Variants in CACNA1I observed in about 807,000 individuals in gnomAD.
The protein encoded by CACNA1I is voltage-dependent T-type calcium channel subunit alpha-1I.
In CACNA1I, 74 loss-of-function variants were observed where a neutral mutation model predicts 201.6. The ratio of observed to expected loss-of-function variants is 0.37; its 90% CI spans 0.30 to 0.45. The LOEUF is 0.45. CACNA1I is among the 20% of genes least tolerant of loss of function. The pLI, the probability that CACNA1I is intolerant of heterozygous loss-of-function variation, is 1.00. For missense variants in CACNA1I, 2,346 were observed against 3,138.1 expected (o/e 0.75, Z 6.03); for synonymous variants, 1,431 against 1,345.2 (o/e 1.06, Z -1.40).
In CACNA1I at chr22:39,594,364, A is replaced by T. The variant is rs563418186; in HGVS notation, c.237-3787A>T. The stretch of plus-strand genomic sequence containing the variant: ...CTGGAAGGAGAGAGCGCACGACAGG[A>T]AGAGGGGAAAGGCGAGGGGGATGGG... On this transcript the variant is annotated intron_variant, in intron 1 of 36. Transcript: ENST00000402142. Among the ~76,000 whole-genome samples the T allele has an allele frequency of 3.3e-5, 5 of 152,220 alleles. No individual in the cohort carries two copies. In the East Asian group the frequency reaches 9.6e-4, roughly 29 times the overall value.
chr22:39,622,667 G>A (rs987157226), intron 4 of CACNA1I, among the ~76,000 whole-genome samples: 48 of 151,452 alleles, frequency 3.2e-4, no homozygotes, highest in East Asian at 3.1e-3. Flanking sequence ...AGGTGTGAGC[G>A]AATGGCCGGT....
At chr22:39,571,634 G>T (rs964661770) in intron 1 of CACNA1I, among the ~76,000 whole-genome samples, 2 of 152,204 alleles carry the variant, frequency 1.3e-5, no homozygotes, top group African/African-American at 2.4e-5. Flanking sequence ...CTGAGCCTCA[G>T]GGTCCTCTCA....
At chr22:39,638,175 A>T (rs1934265456) in intron 5 of CACNA1I, among the ~76,000 whole-genome samples, 1 of 152,174 alleles carries the variant, frequency 6.6e-6, no homozygotes, top group Non-Finnish European at 1.5e-5. Flanking sequence ...CCTGACCTCA[A>T]GCGATCCACC....
chr22:39,627,618 G>T (rs187878849), intron 4 of CACNA1I, among the ~76,000 whole-genome samples: 214 of 152,346 alleles, frequency 1.4e-3, no homozygotes, highest in African/African-American at 4.8e-3. Flanking sequence ...GAAGGGCCTT[G>T]GGGGGCATTT....
intron 10 of CACNA1I, chr22:39,656,859 T>C (rs1756714332): frequency 2.1e-6 from 1 of 485,420 alleles, no homozygotes; most frequent in Admixed American, 2.2e-5. Flanking sequence ...GGGCGTCAAA[T>C]CAGGTCTCAA....
intron 29 of CACNA1I, among the ~76,000 whole-genome samples, chr22:39,675,976 G>C (rs531813564): frequency 1.3e-5 from 2 of 152,350 alleles, no homozygotes; most frequent in East Asian, 3.9e-4. Context: ...GGTGCCACAG[G>C]AGGGTTCTAG....
At position 39,686,277 on chromosome 22, in the gene CACNA1I, G is replaced by A. The variant is rs1216770957; in HGVS notation, c.6544G>A (p.Ala2182Thr). The change falls in exon 37 of 37, where the codon GCG becomes ACG. Residue 2182 changes from alanine to threonine, a missense_variant. Physicochemically the swap from Ala to Thr is moderately conservative, Grantham distance 58. Transcript: ENST00000402142. ...CCTGGCCCGGAGCCCCTCGTGGGCC[G>A]CGGACCGCAGCAAGGACCCCCCCGG... ...HGLARSPSWA[A>T]DRSKDPPGRA... 2 of 1,312,918 alleles carry A rather than the reference G, an allele frequency of 1.5e-6. No homozygotes were observed. The highest frequency in any genetic ancestry group is 1.9e-6 in the Non-Finnish European group (2 of 1,027,482). The allele number at this position is 1,312,918 out of a possible 1,614,324, so 81.3% of individuals were successfully genotyped here.
chr22:39,628,846 C>A (rs571043006), intron 4 of CACNA1I, among the ~76,000 whole-genome samples: 91 of 152,322 alleles, frequency 6.0e-4, no homozygotes, highest in African/African-American at 2.0e-3. Context: ...CGACTCCACT[C>A]TTCTGGGCCA....
intron 24 of CACNA1I, 111 bp from the exon 25 acceptor site, chr22:39,669,927 G>A (rs1413644869): frequency 8.3e-7 from 1 of 1,210,924 alleles, no homozygotes; most frequent in Non-Finnish European, 1.2e-6. Flanking sequence ...CACCTTCCTG[G>A]AGGCAGGCTC....
At position 39,665,449 on chromosome 22, in the gene CACNA1I, C is replaced by T. The variant is rs1935156907; in HGVS notation, c.3852-49C>T. The T allele has an allele frequency of 4.4e-6, 7 of 1,607,380 alleles. No individual in the cohort carries two copies. Among genetic ancestry groups the T allele is most frequent in the Non-Finnish European group, 5.9e-6 (7 of 1,176,958 alleles). ...ACTCTGGGCTGAGTAGGGGCTGCCT[C>T]CTGGCCTGGCCAAGGGATTATGTGT... On this transcript the variant is annotated intron_variant, in intron 21 of 36. Transcript: ENST00000402142. The surrounding 1 kb of genome is among the most constrained non-coding windows in gnomAD (Gnocchi z 5.5).
At chr22:39,632,559 G>C (rs1251055026) in intron 4 of CACNA1I, among the ~76,000 whole-genome samples, 1 of 151,522 alleles carries the variant, frequency 6.6e-6, no homozygotes, top group African/African-American at 2.4e-5. Flanking sequence ...TCCCCTTGCT[G>C]CCAGGCTGTG....
chr22:39,659,335 C>A lies in CACNA1I; in HGVS notation c.2331-98C>A. ...TGGGACCAACGCTGCCCCGCCTCCC[C>A]CTGCCCTGCATTTTACTGAGTTGAC... On this transcript the variant is annotated intron_variant, in intron 12 of 36. Coordinates refer to ENST00000402142, the MANE Select transcript of CACNA1I (RefSeq NM_021096.4). This position sits in a 1 kb window ranked among gnomAD's most constrained non-coding sequence, Gnocchi z 4.3. The A allele has an allele frequency of 1.0e-6, 1 of 995,962 alleles. No individual in the cohort carries two copies. 61.7% of individuals were successfully genotyped at this position (995,962 alleles called of 1,614,324 possible).
chr22:39,631,033 T>C (rs1038253090), intron 4 of CACNA1I, among the ~76,000 whole-genome samples: 3 of 151,328 alleles, frequency 2.0e-5, no homozygotes, highest in Admixed American at 1.3e-4. Flanking sequence ...GCCAGGAAGG[T>C]GGGGGATAAG....
At chr22:39,681,577 G>T (rs868779318) in intron 34 of CACNA1I, among the ~76,000 whole-genome samples, 28 of 152,196 alleles carry the variant, frequency 1.8e-4, no homozygotes, top group African/African-American at 6.8e-4. Context: ...ACACAGCCAG[G>T]AATGACAGAG....
intron 3 of CACNA1I, among the ~76,000 whole-genome samples, chr22:39,613,792 A>T (rs1319151028): frequency 6.6e-6 from 1 of 151,418 alleles, no homozygotes. Context: ...GGCAGGTCAC[A>T]CAGAGCTCCT....
intron 10 of CACNA1I, among the ~76,000 whole-genome samples, chr22:39,650,479 C>G (rs187939009): frequency 3.3e-5 from 5 of 152,162 alleles, no homozygotes; most frequent in Admixed American, 2.0e-4. Context: ...CATTCCCCCC[C>G]AAACAGCTGG....
Position 39,586,209 on chromosome 22 carries a change from G to T in CACNA1I, c.237-11942G>T, listed in dbSNP as rs191109867. 4.4e-3 allele frequency among the ~76,000 whole-genome samples: 671 copies of T among 151,782 alleles called. 8 individuals carry two copies. Among genetic ancestry groups the T allele is most frequent in the African/African-American group, 0.015 (613 of 41,440 alleles). On this transcript the variant is annotated intron_variant, in intron 1 of 36. Transcript: ENST00000402142. ...AATAGCATTTAAAAACTTTATTCTG[G>T]CTGGGTGTTGTGGCTTATGCTTGTA...
At chr22:39,627,156 G>A (rs1013861863) in intron 4 of CACNA1I, among the ~76,000 whole-genome samples, 10 of 152,182 alleles carry the variant, frequency 6.6e-5, no homozygotes, top group Non-Finnish European at 1.2e-4. Context: ...AGGACATCAG[G>A]AAACACCCCT....
At position 39,684,160 on chromosome 22, in the gene CACNA1I, G is replaced by C. The variant is rs1457712940; in HGVS notation, c.5831-142G>C. Reference sequence around the variant, plus strand: ...GGGAAACGAAGGCTTAGAGAGGGGGGACTTGTCCACAGTCTCACAGTCAGT... The same window carrying C: ...GGGAAACGAAGGCTTAGAGAGGGGGCACTTGTCCACAGTCTCACAGTCAGT... On this transcript the variant is annotated intron_variant, in intron 35 of 36. Transcript: ENST00000402142. This position sits in a 1 kb window ranked among gnomAD's most constrained non-coding sequence, Gnocchi z 4.6. 4 of 660,722 alleles carry C rather than the reference G, an allele frequency of 6.1e-6. No individual in the cohort carries two copies. Among genetic ancestry groups the C allele is most frequent in the South Asian group, 1.9e-5 (1 of 53,110 alleles). 40.9% of individuals were successfully genotyped at this position (660,722 alleles called of 1,614,324 possible). A position where few individuals can be genotyped will look rare whatever the true frequency, so the allele number is the denominator to read the frequency against.
Sources: gnomAD v4.1 joint callset for allele counts (sites outside exome capture counted in the v4.1 genomes callset) on GRCh38, gnomAD v4.1.1 for gene constraint, Gnocchi (gnomAD v3.1) non-coding constraint, MANE v1.5 for transcripts, NCBI Gene and HGNC (gene_info 2026-07-23, HGNC 2026-07-21) for gene names.